Variants in ARID1B observed in about 807,000 individuals in gnomAD.
ARID1B encodes AT-rich interaction domain 1B, also known as AT-rich interactive domain-containing protein 1B.
In ARID1B, 30 loss-of-function variants were observed where a neutral mutation model predicts 212.3. The ratio of observed to expected loss-of-function variants is 0.14; its 90% CI spans 0.11 to 0.19. The LOEUF (loss-of-function observed/expected upper bound fraction) is 0.19. Among genes scored for constraint, ARID1B ranks in the 10% least tolerant of loss-of-function variants. ARID1B has a pLI of 1.00. For missense variants in ARID1B, 2,891 were observed against 3,204.0 expected, an observed-to-expected ratio of 0.90 and a Z score of 2.36; for synonymous variants, 1,402 against 1,301.7, an observed-to-expected ratio of 1.08 and a Z score of -1.66.
At chr6:156,831,333 C>T (rs369110989) in intron 2 of ARID1B, among the ~76,000 whole-genome samples, 50 of 152,184 alleles carry the variant, frequency 3.3e-4, no homozygotes, top group African/African-American at 1.0e-3. Flanking sequence ...GTAGTGGGAC[C>T]GGCAGAGAGA....
chr6:157,069,149 C>T (rs1583250686), intron 4 of ARID1B, among the ~76,000 whole-genome samples: 1 of 152,020 alleles, frequency 6.6e-6, no homozygotes. Flanking sequence ...ATGTGAGGCC[C>T]CTTAACATCT....
chr6:156,933,902 C>A (rs1173001279), intron 3 of ARID1B, among the ~76,000 whole-genome samples: 1 of 152,166 alleles, frequency 6.6e-6, no homozygotes, highest in African/African-American at 2.4e-5. Context: ...CTGGTTAAAT[C>A]CAGTTTGTAC....
intron 7 of ARID1B, among the ~76,000 whole-genome samples, chr6:157,143,255 T>C (rs1181206374): frequency 6.6e-6 from 1 of 152,060 alleles, no homozygotes; most frequent in Non-Finnish European, 1.5e-5. Flanking sequence ...GCCGCCTTCA[T>C]TGTGCTTAAT....
chr6:156,826,103 C>T (rs1253083852), intron 1 of ARID1B, among the ~76,000 whole-genome samples: 1 of 152,016 alleles, frequency 6.6e-6, no homozygotes, highest in African/African-American at 2.4e-5. Context: ...AATGTCTTGG[C>T]TGGTGAAAGT....
At position 157,190,228 on chromosome 6, in the gene ARID1B, T is replaced by C; in HGVS notation, c.4231+18T>C. ...GAGAAAAGGTACGTGTAGAGGGGCC[T>C]CCACCCGGCCATGGACCAGTGGGCA... On this transcript the variant is annotated intron_variant, in intron 15 of 19. Transcript: ENST00000636930. The surrounding 1 kb of genome is among the most constrained non-coding windows in gnomAD (Gnocchi z 4.6). The C allele has an allele frequency of 6.3e-7, 1 of 1,595,876 alleles. No individual in the cohort carries two copies. Among genetic ancestry groups the C allele is most frequent in the African/African-American group, 1.3e-5 (1 of 74,250 alleles).
chr6:156,999,298 C>T (rs943119837), intron 4 of ARID1B, among the ~76,000 whole-genome samples: 3 of 152,224 alleles, frequency 2.0e-5, no homozygotes, highest in Non-Finnish European at 4.4e-5. Context: ...TAAAGCCCAA[C>T]TGTGCATACA....
intron 3 of ARID1B, among the ~76,000 whole-genome samples, chr6:156,907,150 G>A (rs940537904): frequency 1.2e-4 from 19 of 152,272 alleles, no homozygotes; most frequent in Admixed American, 1.0e-3. Flanking sequence ...CTGTTCCTGT[G>A]TTATCCCTGA....
At chr6:157,018,234 T>TTG (rs1175400304) in intron 4 of ARID1B, among the ~76,000 whole-genome samples, 1 of 145,968 alleles carries the variant, frequency 6.9e-6, no homozygotes, top group Non-Finnish European at 1.5e-5. Context: ...TTTTTTTTTT[T>TTG]GAGATACAGT....
At chr6:156,987,567 T>G (rs1002918562) in intron 4 of ARID1B, among the ~76,000 whole-genome samples, 1 of 152,200 alleles carries the variant, frequency 6.6e-6, no homozygotes, top group Admixed American at 6.5e-5. Flanking sequence ...CCTGACCTTG[T>G]GATCCGCCCG....
At chr6:156,979,805 C>G (rs1489911861) in intron 4 of ARID1B, among the ~76,000 whole-genome samples, 2 of 152,232 alleles carry the variant, frequency 1.3e-5, no homozygotes, top group Non-Finnish European at 2.9e-5. Flanking sequence ...ATCCGCCCAC[C>G]TCGGCCTCCC....
chr6:157,133,354 C>T (rs904607722), intron 7 of ARID1B, 147 bp downstream of exon 7: 2 of 901,464 alleles, frequency 2.2e-6, no homozygotes, highest in Admixed American at 3.2e-5. Flanking sequence ...TACAAGCCCA[C>T]AGTACTTTAG....
intron 4 of ARID1B, among the ~76,000 whole-genome samples, chr6:157,046,437 A>C (rs935819076): frequency 6.6e-6 from 1 of 152,234 alleles, no homozygotes; most frequent in African/African-American, 2.4e-5. Context: ...AGACTACTTG[A>C]CTGGGAGTTG....
At chr6:157,184,103 G>T in intron 12 of ARID1B, 128 bp from the exon 13 acceptor site, 1 of 786,312 alleles carries the variant, frequency 1.3e-6, no homozygotes, top group Non-Finnish European at 2.0e-6. Flanking sequence ...CTGAGTGGGA[G>T]TAATGAGCAT....
At chr6:156,949,380 CAT>C (rs1303077641) in intron 4 of ARID1B, among the ~76,000 whole-genome samples, 1 of 152,226 alleles carries the variant, frequency 6.6e-6, no homozygotes, top group African/African-American at 2.4e-5. Context: ...TTTGCACATA[CAT>C]GAGATCTAAG....
chr6:157,025,922 A>G (rs371673822), intron 4 of ARID1B, among the ~76,000 whole-genome samples: 1 of 151,640 alleles, frequency 6.6e-6, no homozygotes, highest in African/African-American at 2.4e-5. Flanking sequence ...ATTGTGCTGG[A>G]ATAGATTTTT....
intron 4 of ARID1B, among the ~76,000 whole-genome samples, chr6:157,019,840 A>G (rs944304312): frequency 1.4e-4 from 21 of 152,142 alleles, no homozygotes; most frequent in Non-Finnish European, 2.8e-4. Flanking sequence ...AAGCATGTCA[A>G]ATTGCCGAGG....
intron 1 of ARID1B, among the ~76,000 whole-genome samples, chr6:156,788,766 G>A (rs1779817777): frequency 6.6e-6 from 1 of 152,206 alleles, no homozygotes. Context: ...AAATCTAAGA[G>A]TACCGGGGTC....
intron 1 of ARID1B, among the ~76,000 whole-genome samples, chr6:156,797,671 T>C (rs1299790501): frequency 6.6e-6 from 1 of 152,142 alleles, no homozygotes; most frequent in African/African-American, 2.4e-5. Flanking sequence ...GGCTGTGGTT[T>C]TGGATTTGGA....
At chr6:156,795,996 A>T (rs1461802946) in intron 1 of ARID1B, among the ~76,000 whole-genome samples, 1 of 151,908 alleles carries the variant, frequency 6.6e-6, no homozygotes, top group African/African-American at 2.4e-5. Context: ...TGCTCTGCTC[A>T]TGCCTGTTTG....
Sources: allele counts gnomAD v4.1 joint callset (sites outside exome capture counted in the v4.1 genomes callset), GRCh38; gene constraint gnomAD v4.1.1; non-coding constraint Gnocchi (gnomAD v3.1); transcripts MANE v1.5; gene names NCBI Gene and HGNC (gene_info 2026-07-23, HGNC 2026-07-21).